The following FAM227A variants were observed in gnomAD, a reference collection of about 807,000 sequenced individuals.
FAM227A encodes the protein protein FAM227A.
A neutral mutation model predicts 74.7 loss-of-function variants in FAM227A; 80 were observed. The observed-to-expected ratio is 1.07, with a 90% CI of 0.89 to 1.29. The LOEUF is 1.29. Ranked by LOEUF, FAM227A falls within the 50% of genes most tolerant of loss-of-function variation. The pLI is 0.00. For missense variants in FAM227A, 654 were observed against 683.4 expected, an observed-to-expected ratio of 0.96 and a Z score of 0.48; for synonymous variants, 237 against 241.8, an observed-to-expected ratio of 0.98 and a Z score of 0.19.
intron 11 of FAM227A, among the ~76,000 whole-genome samples, chr22:38,608,507 T>C (rs2091338878): frequency 6.6e-6 from 1 of 152,052 alleles, no homozygotes; most frequent in Admixed American, 6.5e-5. Flanking sequence ...CTCGGCTCAC[T>C]GCAACCTTTG....
At chr22:38,647,554 G>A (rs1247861103) in intron 2 of FAM227A, among the ~76,000 whole-genome samples, 2 of 152,160 alleles carry the variant, frequency 1.3e-5, no homozygotes, top group Non-Finnish European at 2.9e-5. Context: ...ATTTCTTTAT[G>A]AGAGATTTTC....
intron 6 of FAM227A, among the ~76,000 whole-genome samples, chr22:38,633,495 TACAG>T (rs1603027295): frequency 6.6e-6 from 1 of 152,190 alleles, no homozygotes; most frequent in Non-Finnish European, 1.5e-5. Context: ...ATGTGCTTCT[TACAG>T]ACAATTTGAA....
In FAM227A at chr22:38,643,005, A is replaced by C. The variant is rs570292327; in HGVS notation, c.225+2558T>G. On this transcript the variant is annotated intron_variant, in intron 3 of 16. Transcript: ENST00000535113. ...GAAATCTTAAAACTCAACAATAAGA[A>C]AATAACCTGATTTAAAAATGGGCTA... 5.3e-5 allele frequency among the ~76,000 whole-genome samples: 8 copies of C among 151,922 alleles called. No homozygotes were observed. The South Asian group carries it at 1.7e-3, about 32-fold the overall frequency.
At chr22:38,654,821 G>A (rs937438386) in intron 1 of FAM227A, among the ~76,000 whole-genome samples, 7 of 150,370 alleles carry the variant, frequency 4.7e-5, no homozygotes, top group African/African-American at 1.5e-4. Flanking sequence ...GGTGGCGGGC[G>A]CCTGTAATCC....
intron 3 of FAM227A, among the ~76,000 whole-genome samples, chr22:38,643,019 A>T (rs1603058927): frequency 6.6e-6 from 1 of 152,022 alleles, no homozygotes; most frequent in Non-Finnish European, 1.5e-5. Context: ...AACCTGATTT[A>T]AAAATGGGCT....
intron 11 of FAM227A, among the ~76,000 whole-genome samples, chr22:38,608,793 CTTTTTTTTTT>C (rs35393303): frequency 1.0e-5 from 1 of 97,028 alleles, no homozygotes; most frequent in South Asian, 3.3e-4. Context: ...ACCCTTGTTC[CTTTTTTTTTT>C]TTTTTTTTTT....
Position 38,626,163 on chromosome 22 carries a change from A to G in FAM227A, c.850+17T>C, listed in dbSNP as rs1337885512. 7 of 1,549,250 alleles carry G rather than the reference A, an allele frequency of 4.5e-6. No individual in the cohort carries two copies. Among genetic ancestry groups the G allele is most frequent in the Admixed American group, 4.0e-5 (2 of 50,360 alleles). On this transcript the variant is annotated intron_variant, in intron 9 of 16. Coordinates refer to ENST00000535113, the MANE Select transcript of FAM227A (RefSeq NM_001013647.2). The stretch of plus-strand genomic sequence containing the variant: ...TTCTAGAATCGCTTTCCCCGGTGGA[A>G]AAAAGTCACCTCTCACCTGAAATCC...
At position 38,581,759 on chromosome 22, in the gene FAM227A, T is replaced by TC. The variant is rs1555946614; in HGVS notation, c.*4365dup. 8 of 150,956 alleles carry TC rather than the reference T, an allele frequency of 5.3e-5. No homozygotes were observed. Among genetic ancestry groups the TC allele is most frequent in the South Asian group, 2.1e-4 (1 of 4,780 alleles). 9.4% of individuals were successfully genotyped at this position (150,956 alleles called of 1,614,324 possible). ...TGGCTCAGGTTTTTTTTTTTTTTTT[T>TC]CCCAGACACAGTCTTGCTCTATCAT... On this transcript the variant is annotated 3_prime_UTR_variant, in exon 17 of 17. Transcript: ENST00000535113.
In FAM227A at chr22:38,592,471, C is replaced by T. The variant is rs556494058; in HGVS notation, c.1533-931G>A. Among the ~76,000 whole-genome samples, 205 of 152,224 alleles carry T rather than the reference C, an allele frequency of 1.3e-3. 2 individuals are homozygous for T. The highest frequency in any genetic ancestry group is 4.7e-3 in the African/African-American group (197 of 41,530). ...TTTAAACTAGTTCTGAACTTTAAAA[C>T]GTTCTGGCCATGGAATGGAAGGGTT... On this transcript the variant is annotated intron_variant, in intron 15 of 16. Coordinates refer to ENST00000535113, the MANE Select transcript of FAM227A (RefSeq NM_001013647.2).
chr22:38,641,948 GGTGTGTGTGTGT>G (rs3042708), intron 3 of FAM227A, among the ~76,000 whole-genome samples: 2 of 145,410 alleles, frequency 1.4e-5, no homozygotes, highest in African/African-American at 2.5e-5. Flanking sequence ...CTCCCGAAAA[GGTGTGTGTGTGT>G]GTGTGTGTGT....
chr22:38,655,469 C>T (rs1330607727), intron 1 of FAM227A, among the ~76,000 whole-genome samples: 1 of 151,496 alleles, frequency 6.6e-6, no homozygotes, highest in East Asian at 1.9e-4. Flanking sequence ...AGGCCGAGAT[C>T]ATGCCACTGC....
intron 11 of FAM227A, among the ~76,000 whole-genome samples, chr22:38,613,051 T>TATTATATATATGTAAATATATTATATATA (rs1217865870): frequency 8.7e-6 from 1 of 114,942 alleles, no homozygotes; most frequent in African/African-American, 3.3e-5. Context: ...TTTATATATA[T>TATTATATATATGTAAATATATTATATATA]ATTATATATA....
intron 3 of FAM227A, among the ~76,000 whole-genome samples, chr22:38,640,257 T>A (rs1455227448): frequency 1.3e-5 from 2 of 152,062 alleles, no homozygotes; most frequent in African/African-American, 4.8e-5. Flanking sequence ...ATGGTCTTGA[T>A]CTCCTGACCT....
chr22:38,621,813 G>A (rs1037250280), intron 10 of FAM227A, among the ~76,000 whole-genome samples: 1 of 152,148 alleles, frequency 6.6e-6, no homozygotes, highest in Non-Finnish European at 1.5e-5. Flanking sequence ...TGATGCTGCA[G>A]GTCCTTGGAC....
chr22:38,623,936 C>G (rs537107006), intron 9 of FAM227A, among the ~76,000 whole-genome samples: 28 of 152,324 alleles, frequency 1.8e-4, no homozygotes, highest in African/African-American at 6.5e-4. Context: ...TGCAAAGCTG[C>G]TGGCTCCATT....
At position 38,614,630 on chromosome 22, in the gene FAM227A, A is replaced by T. The variant is rs114055254; in HGVS notation, c.1038+5582T>A. Among the ~76,000 whole-genome samples, 1,357 of 152,162 alleles carry T rather than the reference A, an allele frequency of 8.9e-3. 22 individuals carry two copies. The highest frequency in any genetic ancestry group is 0.031 in the African/African-American group (1,294 of 41,512). ...AGAGAGGCTCTATCCCCACCACAAA[A>T]CCCAATTACTCCCTCTATCCTGGTT... is the stretch of plus-strand genomic sequence containing the variant. On this transcript the variant is annotated intron_variant, in intron 11 of 16. Coordinates refer to ENST00000535113, the MANE Select transcript of FAM227A (RefSeq NM_001013647.2).
At position 38,604,047 on chromosome 22, in the gene FAM227A, C is replaced by T. The variant is rs191330246; in HGVS notation, c.1221+1207G>A. 2.6e-5 allele frequency among the ~76,000 whole-genome samples: 4 copies of T among 152,044 alleles called. No individual in the cohort carries two copies. The East Asian group carries it at 5.8e-4, about 22-fold the overall frequency. ...CCACGATTAAAGTCAAAAGATTAGC[C>T]CAGGGGTGGTGGCTCATGCCTGTAA... On this transcript the variant is annotated intron_variant, in intron 13 of 16. Transcript: ENST00000535113.
Position 38,586,210 on chromosome 22 carries a change from A to G in FAM227A, c.1639-11T>C. 1 of 1,543,860 alleles carries G rather than the reference A, an allele frequency of 6.5e-7. No homozygotes were observed. On this transcript the variant is annotated splice_polypyrimidine_tract_variant and intron_variant, in intron 16 of 16. Transcript: ENST00000535113. Reference sequence around the variant, plus strand: ...TCCTCCTTTCCCCTCCTGTGGGGGAAACAAACGAACAAAAACAAAAATTAA... The same window carrying G: ...TCCTCCTTTCCCCTCCTGTGGGGGAGACAAACGAACAAAAACAAAAATTAA...
At position 38,620,271 on chromosome 22, in the gene FAM227A, C is replaced by A. The variant is rs1009333840; in HGVS notation, c.979G>T (p.Ala327Ser). ...TTCTGGGAGAAGGCTCTCTTACCAG[C>A]AAACAAAGAAAACTCTCTCCCTATA... Reference protein sequence around the residue: ...LTKGREFSLFAGKRAFSQKPA... With the variant: ...LTKGREFSLFSGKRAFSQKPA... The change falls in exon 11 of 17, where the codon GCT becomes TCT. Residue 327 changes from alanine (A) to serine (S), a missense_variant. Physicochemically the swap from Ala to Ser is moderately conservative, Grantham distance 99. Transcript: ENST00000535113. 1 of 1,551,112 alleles carries A rather than the reference C, an allele frequency of 6.4e-7. No homozygotes were observed. Among genetic ancestry groups the A allele is most frequent in the Non-Finnish European group, 8.7e-7 (1 of 1,146,612 alleles).
Sources: allele counts gnomAD v4.1 joint callset (sites outside exome capture counted in the v4.1 genomes callset), GRCh38; gene constraint gnomAD v4.1.1; transcripts MANE v1.5; gene names NCBI Gene and HGNC (gene_info 2026-07-23, HGNC 2026-07-21).